LINGO2: variants seen among roughly 807,000 people sequenced by gnomAD.
LINGO2 encodes leucine rich repeat and Ig domain containing 2, also known as leucine-rich repeat and immunoglobulin-like domain-containing nogo receptor-interacting protein 2.
LINGO2 carries 14 observed loss-of-function variants against 30.6 expected under a neutral mutation model. The ratio of observed to expected loss-of-function variants is 0.46; its 90% confidence interval spans 0.30 to 0.72. The LOEUF is 0.72. Among genes scored for constraint, LINGO2 ranks in the 30% least tolerant of loss-of-function variants. The pLI is 0.07. For synonymous variants in LINGO2, 317 were observed against 288.5 expected, an observed-to-expected ratio of 1.10 and a Z score of -1.00; for missense variants, 729 against 751.7, an observed-to-expected ratio of 0.97 and a Z score of 0.35.
At chr9:29,174,278 G>A in the LINGO2 span, among the ~76,000 whole-genome samples, 8 of 152,164 alleles carry the variant, frequency 5.3e-5, no homozygotes, top group African/African-American at 1.7e-4. Flanking sequence ...GGGTCTCATC[G>A]TTTATACTCC....
At chr9:28,794,173 G>A in the LINGO2 span, among the ~76,000 whole-genome samples, 1 of 152,204 alleles carries the variant, frequency 6.6e-6, no homozygotes, top group Non-Finnish European at 1.5e-5. Flanking sequence ...GCGTGGCGGC[G>A]GGCGCCTGTA....
the LINGO2 span, among the ~76,000 whole-genome samples, chr9:28,815,662 A>C: frequency 6.6e-6 from 1 of 152,220 alleles, no homozygotes. Context: ...GTACCAATAC[A>C]ACAAAAATCG....
the LINGO2 span, among the ~76,000 whole-genome samples, chr9:29,103,095 A>G: frequency 6.6e-6 from 1 of 152,150 alleles, no homozygotes; most frequent in East Asian, 1.9e-4. Flanking sequence ...CTACATCACT[A>G]TAACTTCAAC....
intron 3 of LINGO2, among the ~76,000 whole-genome samples, chr9:28,312,846 C>T (rs1330063624): frequency 2.0e-5 from 3 of 152,102 alleles, no homozygotes; most frequent in Non-Finnish European, 4.4e-5. Context: ...CACCTTGTGC[C>T]TTTATTCTTA....
chr9:28,019,310 G>A (rs1822996097), intron 4 of LINGO2, among the ~76,000 whole-genome samples: 1 of 52,904 alleles, frequency 1.9e-5, no homozygotes, highest in South Asian at 1.1e-3. Context: ...GGCACCTAGG[G>A]GAATATATGT....
At chr9:28,789,811 A>G in the LINGO2 span, among the ~76,000 whole-genome samples, 1 of 152,142 alleles carries the variant, frequency 6.6e-6, no homozygotes, top group South Asian at 2.1e-4. Flanking sequence ...GGACCATGGC[A>G]TATGTAATTT....
intron 4 of LINGO2, among the ~76,000 whole-genome samples, chr9:28,057,576 CACATATATGTATATACAT>C (rs1378011038): frequency 2.8e-4 from 6 of 21,498 alleles, no homozygotes; most frequent in Admixed American, 7.3e-4. Flanking sequence ...CATATATATA[CACATATATGTATATACAT>C]ATATATACAC....
chr9:28,565,692 C>T (rs1587874844), intron 1 of LINGO2, among the ~76,000 whole-genome samples: 2 of 151,632 alleles, frequency 1.3e-5, no homozygotes, highest in South Asian at 4.2e-4. Flanking sequence ...GCTGGGACTA[C>T]AGGCGCCCAC....
the LINGO2 span, among the ~76,000 whole-genome samples, chr9:29,064,426 C>T: frequency 6.6e-6 from 1 of 151,880 alleles, no homozygotes; most frequent in South Asian, 2.1e-4. Flanking sequence ...TTAATGGTTG[C>T]AATAAATATG....
chr9:28,404,826 T>C (rs1311065830), intron 2 of LINGO2, among the ~76,000 whole-genome samples: 1 of 152,044 alleles, frequency 6.6e-6, no homozygotes, highest in East Asian at 1.9e-4. Context: ...GCAGTGACTT[T>C]TAGAGTAGAA....
rs78119574 is a variant in LINGO2, at chr9:28,123,254, G to A, written c.-86-110849C>T. Among the ~76,000 whole-genome samples, 1,155 of 152,174 alleles carry A rather than the reference G, an allele frequency of 7.6e-3. 10 individuals carry two copies. The highest frequency in any genetic ancestry group is 0.026 in the African/African-American group (1,093 of 41,514). On this transcript the variant is annotated intron_variant, in intron 4 of 5. Transcript: ENST00000379992. ...TAATTATCTCCTAAAATCATAGTCA[G>A]GTTTCAAAAAGGAAATCTAATTAAT...
chr9:28,695,787 T>TA, the LINGO2 span, among the ~76,000 whole-genome samples: 1 of 151,600 alleles, frequency 6.6e-6, no homozygotes, highest in African/African-American at 2.4e-5. Context: ...ATATTACTTT[T>TA]AAAAAATATA....
At chr9:28,753,195 C>T in the LINGO2 span, among the ~76,000 whole-genome samples, 2 of 152,058 alleles carry the variant, frequency 1.3e-5, no homozygotes, top group South Asian at 2.1e-4. Context: ...AGTGAGTGAC[C>T]GCAGAAGAAA....
rs182328179 is a variant in LINGO2, at chr9:28,491,215, G to C, written c.-364-15190C>G. ...TGGAGCTAAAATCAAGGTGTATGCA[G>C]GGCTGATTCTTTCTGGAGGCTTCAG... On this transcript the variant is annotated intron_variant, in intron 1 of 5. Coordinates refer to ENST00000379992, the Ensembl canonical transcript of LINGO2. Among the ~76,000 whole-genome samples the C allele has an allele frequency of 3.0e-4, 45 of 152,276 alleles. 1 individual carries two copies. Among genetic ancestry groups the C allele is most frequent in the African/African-American group, 1.0e-3 (43 of 41,564 alleles).
chr9:28,410,165 AAGAG>A (rs1822704799), intron 2 of LINGO2, among the ~76,000 whole-genome samples: 1 of 144,214 alleles, frequency 6.9e-6, no homozygotes, highest in Admixed American at 6.8e-5. Context: ...GTAACAGAGA[AAGAG>A]AAAGAGGAAA....
intron 4 of LINGO2, among the ~76,000 whole-genome samples, chr9:28,044,780 TTC>T (rs4007462): frequency 0.89 from 135,750 of 151,862 alleles, 61,257 homozygotes; most frequent in Non-Finnish European, 0.96. Context: ...GTGTCTTGGC[TTC>T]TCTCTCAGGC....
At chr9:28,804,703 CA>C in the LINGO2 span, among the ~76,000 whole-genome samples, 6 of 151,946 alleles carry the variant, frequency 3.9e-5, no homozygotes, top group African/African-American at 1.5e-4. Flanking sequence ...CAATTCTTTT[CA>C]AAGGTAAGCA....
At chr9:29,084,959 G>A in the LINGO2 span, among the ~76,000 whole-genome samples, 1 of 151,666 alleles carries the variant, frequency 6.6e-6, no homozygotes, top group Non-Finnish European at 1.5e-5. Flanking sequence ...AAGAGCTCAA[G>A]TACAAGGTCA....
intron 4 of LINGO2, among the ~76,000 whole-genome samples, chr9:28,139,698 C>T (rs1001421009): frequency 2.0e-5 from 3 of 151,736 alleles, no homozygotes; most frequent in East Asian, 1.9e-4. Context: ...TTATGAAATA[C>T]GTTGAGATGT....
Sources: allele counts gnomAD v4.1 joint callset (sites outside exome capture counted in the v4.1 genomes callset), GRCh38; gene constraint gnomAD v4.1.1; transcripts MANE v1.5; gene names NCBI Gene and HGNC (gene_info 2026-07-23, HGNC 2026-07-21).